The following CPE variants were observed in gnomAD, a reference collection of about 807,000 sequenced individuals.
CPE encodes carboxypeptidase E, also known as carbocypeptidase E.
Under a neutral mutation model 53.5 loss-of-function variants are expected in CPE, and 17 were observed. That is an observed-to-expected ratio of 0.32 (90% confidence interval 0.22 to 0.48). The LOEUF (loss-of-function observed/expected upper bound fraction) is 0.48. Ranked by LOEUF, CPE falls within the 20% of genes least tolerant of loss-of-function variation. CPE has a pLI of 0.99. For synonymous variants in CPE, 226 were observed against 228.8 expected, an observed-to-expected ratio of 0.99 and a Z score of 0.11; for missense variants, 524 against 614.7, an observed-to-expected ratio of 0.85 and a Z score of 1.56.
chr4:165,398,835 T>C (rs1730818771), intron 1 of CPE, among the ~76,000 whole-genome samples: 1 of 152,192 alleles, frequency 6.6e-6, no homozygotes, highest in Non-Finnish European at 1.5e-5. Context: ...CCATCTGGCA[T>C]TAGCTGTATT....
Position 165,487,481 on chromosome 4 carries a change from C to T in CPE, c.1017C>T (p.Ile339=), listed in dbSNP as rs1732526905. 1 of 1,613,988 alleles carries T rather than the reference C, an allele frequency of 6.2e-7. No individual in the cohort carries two copies. Among genetic ancestry groups the T allele is most frequent in the African/African-American group, 1.3e-5 (1 of 74,900 alleles). The change falls in exon 6 of 9, where the codon ATC becomes ATT. Residue 339 remains isoleucine, a synonymous_variant. Transcript: ENST00000402744. ...FNYLSSNCFE[I]TVELSCEKFP... The stretch of plus-strand genomic sequence containing the variant: ...ACCTTAGCAGCAACTGTTTTGAGAT[C>T]ACCGTGGAGCTTAGCTGTGAGAAGT...
Position 165,480,805 on chromosome 4 carries a change from T to G in CPE, c.673-1437T>G, listed in dbSNP as rs576642403. On this transcript the variant is annotated intron_variant, in intron 3 of 8. Transcript: ENST00000402744. ...ACATGAAAAGGTGTTCATTATCTGT[T>G]TTCAAGCAAAAAAAGCAGTATATAA... 5.9e-5 allele frequency among the ~76,000 whole-genome samples: 9 copies of G among 152,040 alleles called. No homozygotes were observed. In the South Asian group the frequency reaches 1.9e-3, roughly 32 times the overall value.
chr4:165,487,597 T>C lies in CPE; in HGVS notation c.1113+20T>C. 6.2e-7 allele frequency: 1 copy of C among 1,613,366 alleles called. No individual in the cohort carries two copies. On this transcript the variant is annotated intron_variant, in intron 6 of 8. Transcript: ENST00000402744. ...GAGCAGGTAAACACAGTCCCCAGCATAAAAATGCAAGGTTTACAAGCATTC... is the reference window on the plus strand; with the variant it reads ...GAGCAGGTAAACACAGTCCCCAGCACAAAAATGCAAGGTTTACAAGCATTC...
At chr4:165,487,237 T>C (rs1188567620) in intron 5 of CPE, among the ~76,000 whole-genome samples, 1 of 152,052 alleles carries the variant, frequency 6.6e-6, no homozygotes, top group Non-Finnish European at 1.5e-5. Flanking sequence ...AACCTGAGAG[T>C]TTGTGCTTTT....
In CPE at chr4:165,429,314, T is replaced by G. The variant is rs140934871; in HGVS notation, c.308-35076T>G. The stretch of plus-strand genomic sequence containing the variant: ...CTTTGGGGGCAATTAGGTTAACAAT[T>G]TTCTGTGTCTCCTATTTTTAATAAT... On this transcript the variant is annotated intron_variant, in intron 1 of 8. Transcript: ENST00000402744. Among the ~76,000 whole-genome samples, 342 of 152,336 alleles carry G rather than the reference T, an allele frequency of 2.2e-3. 2 individuals are homozygous for G. The highest frequency in any genetic ancestry group is 3.6e-3 in the Non-Finnish European group (242 of 68,018).
chr4:165,403,311 A>C (rs909108361), intron 1 of CPE, among the ~76,000 whole-genome samples: 1 of 152,200 alleles, frequency 6.6e-6, no homozygotes, highest in Non-Finnish European at 1.5e-5. Context: ...AAAAGAAAAC[A>C]GTGTAAGAAA....
chr4:165,393,189 G>A (rs560444070), intron 1 of CPE, among the ~76,000 whole-genome samples: 1 of 152,124 alleles, frequency 6.6e-6, no homozygotes, highest in African/African-American at 2.4e-5. Flanking sequence ...AACAAAAAAA[G>A]CAATGTCATT....
In CPE at chr4:165,484,411, T is replaced by G. The variant is rs1308752722; in HGVS notation, c.791-11T>G. 6.2e-7 allele frequency: 1 copy of G among 1,610,582 alleles called. No homozygotes were observed. The highest frequency in any genetic ancestry group is 2.2e-5 in the East Asian group (1 of 44,788). Reference sequence around the variant, plus strand: ...TGTCTGTTTCTTTAATCTTGTGGATTTGTTTTCTAGGTAGTGCTCACGAAT... The same window carrying G: ...TGTCTGTTTCTTTAATCTTGTGGATGTGTTTTCTAGGTAGTGCTCACGAAT... On this transcript the variant is annotated splice_polypyrimidine_tract_variant and intron_variant, in intron 4 of 8. Transcript: ENST00000402744.
chr4:165,381,482 GTTGA>G, intron 1 of CPE: 1 of 349,372 alleles, frequency 2.9e-6, no homozygotes, highest in Non-Finnish European at 5.7e-6. Flanking sequence ...TTCAAAATAC[GTTGA>G]TTGAATTCCT....
intron 1 of CPE, among the ~76,000 whole-genome samples, chr4:165,437,952 A>AAG (rs1731540331): frequency 6.6e-6 from 1 of 152,176 alleles, no homozygotes; most frequent in South Asian, 2.1e-4. Context: ...GTGAATCAGA[A>AAG]AGTGTCTGGA....
intron 1 of CPE, among the ~76,000 whole-genome samples, chr4:165,389,169 AC>A (rs1730642092): frequency 6.6e-6 from 1 of 152,218 alleles, no homozygotes; most frequent in Admixed American, 6.5e-5. Context: ...AATGAATGAT[AC>A]TATGTAGCTA....
intron 1 of CPE, among the ~76,000 whole-genome samples, chr4:165,434,683 G>C (rs996779430): frequency 6.6e-6 from 1 of 152,124 alleles, no homozygotes; most frequent in African/African-American, 2.4e-5. Flanking sequence ...GTAAGAAAGA[G>C]GGAAGCTGCC....
chr4:165,437,709 T>C (rs1731532984), intron 1 of CPE, among the ~76,000 whole-genome samples: 1 of 152,176 alleles, frequency 6.6e-6, no homozygotes, highest in South Asian at 2.1e-4. Flanking sequence ...GGAAAGACAG[T>C]CAGCCAATCT....
chr4:165,399,068 A>G (rs1010718988), intron 1 of CPE, among the ~76,000 whole-genome samples: 40 of 152,216 alleles, frequency 2.6e-4, no homozygotes, highest in African/African-American at 9.2e-4. Context: ...TTAATTGCCT[A>G]AATGTACTAT....
intron 3 of CPE, among the ~76,000 whole-genome samples, chr4:165,469,950 T>C (rs938292304): frequency 1.3e-5 from 2 of 152,178 alleles, no homozygotes; most frequent in African/African-American, 4.8e-5. Context: ...TTTAAACTTT[T>C]AAAAACTCTC....
chr4:165,454,618 T>C (rs1731870745), intron 1 of CPE, among the ~76,000 whole-genome samples: 1 of 152,216 alleles, frequency 6.6e-6, no homozygotes, highest in South Asian at 2.1e-4. Context: ...TCTGATGACA[T>C]TACTTTTACT....
chr4:165,417,696 C>T (rs1329878271), intron 1 of CPE, among the ~76,000 whole-genome samples: 1 of 151,108 alleles, frequency 6.6e-6, no homozygotes, highest in East Asian at 1.9e-4. Flanking sequence ...AATGTGAAGC[C>T]TCACCATTTT....
At chr4:165,380,427 T>G (rs1483916333) in intron 1 of CPE, among the ~76,000 whole-genome samples, 2 of 152,202 alleles carry the variant, frequency 1.3e-5, no homozygotes, top group African/African-American at 4.8e-5. Context: ...TGTGATGCAT[T>G]TAGTATTAAT....
chr4:165,405,965 A>G (rs574138434), intron 1 of CPE: 4 of 735,180 alleles, frequency 5.4e-6, no homozygotes, highest in African/African-American at 3.5e-5. Flanking sequence ...AAGTTTCTCA[A>G]ATGTTCTCTG....
Sources: gnomAD v4.1 joint callset for allele counts (sites outside exome capture counted in the v4.1 genomes callset) on GRCh38, gnomAD v4.1.1 for gene constraint, MANE v1.5 for transcripts, NCBI Gene and HGNC (gene_info 2026-07-23, HGNC 2026-07-21) for gene names.